Variants in SPOCK3 observed in about 807,000 individuals in gnomAD.
SPOCK3 encodes the protein testican-3.
Under a neutral mutation model 56.6 loss-of-function variants are expected in SPOCK3, and 30 were observed. The ratio of observed to expected loss-of-function variants is 0.53; its 90% CI spans 0.40 to 0.72. The LOEUF is 0.72. Among genes scored for constraint, SPOCK3 ranks in the 30% least tolerant of loss-of-function variants. SPOCK3 has a pLI of 0.00. For missense variants in SPOCK3, 527 were observed against 530.0 expected, an observed-to-expected ratio of 0.99 and a Z score of 0.06; for synonymous variants, 196 against 183.3, an observed-to-expected ratio of 1.07 and a Z score of -0.56.
intron 4 of SPOCK3, chr4:166,918,497 T>G (rs1448997742): frequency 2.6e-5 from 4 of 152,136 alleles, no homozygotes; most frequent in Non-Finnish European, 5.9e-5. Context: ...TAGACTAAAA[T>G]ACTTTATAAA....
chr4:166,937,391 G>T (rs770102323), intron 4 of SPOCK3, among the ~76,000 whole-genome samples: 1 of 149,206 alleles, frequency 6.7e-6, no homozygotes, highest in East Asian at 1.9e-4. Context: ...ACACACACAC[G>T]TATATATTAT....
intron 2 of SPOCK3, among the ~76,000 whole-genome samples, chr4:167,173,784 G>C (rs941682346): frequency 6.6e-6 from 1 of 152,118 alleles, no homozygotes; most frequent in African/African-American, 2.4e-5. Flanking sequence ...GGAGGAGGAT[G>C]ACTAGCAAGA....
chr4:167,168,279 G>A (rs1730182575), intron 2 of SPOCK3, among the ~76,000 whole-genome samples: 1 of 152,134 alleles, frequency 6.6e-6, no homozygotes, highest in African/African-American at 2.4e-5. Context: ...TGGGTAACAG[G>A]CAGAAGTTGG....
At chr4:167,166,750 T>G (rs2150455090) in intron 2 of SPOCK3, among the ~76,000 whole-genome samples, 1 of 152,222 alleles carries the variant, frequency 6.6e-6, no homozygotes, top group East Asian at 1.9e-4. Flanking sequence ...TTTTGAAAAC[T>G]GTTAAAAATG....
intron 2 of SPOCK3, among the ~76,000 whole-genome samples, chr4:167,160,655 A>G (rs1303545785): frequency 6.6e-6 from 1 of 152,186 alleles, no homozygotes; most frequent in Admixed American, 6.5e-5. Context: ...ACAAGGCTAC[A>G]GTAACCAAAA....
chr4:166,845,964 C>T (rs929635176), intron 6 of SPOCK3, among the ~76,000 whole-genome samples: 4 of 152,118 alleles, frequency 2.6e-5, no homozygotes, highest in African/African-American at 9.7e-5. Context: ...CGAACTTGCA[C>T]AGCAAGTTTG....
chr4:167,007,717 T>A (rs1394572973), intron 3 of SPOCK3, among the ~76,000 whole-genome samples: 1 of 152,206 alleles, frequency 6.6e-6, no homozygotes, highest in Non-Finnish European at 1.5e-5. Flanking sequence ...CTAGGCTTTA[T>A]AACTTTAAAA....
chr4:167,224,157 T>A (rs1267249305), intron 2 of SPOCK3, among the ~76,000 whole-genome samples: 2 of 152,146 alleles, frequency 1.3e-5, no homozygotes, highest in East Asian at 3.8e-4. Context: ...ACATCATAGT[T>A]TTCTAACACA....
chr4:167,141,511 T>C (rs1293424947), intron 2 of SPOCK3, among the ~76,000 whole-genome samples: 1 of 152,046 alleles, frequency 6.6e-6, no homozygotes, highest in African/African-American at 2.4e-5. Context: ...AATGCAGTCA[T>C]AAATGGGAAT....
chr4:167,012,112 G>A (rs1403803302), intron 3 of SPOCK3, among the ~76,000 whole-genome samples: 1 of 151,850 alleles, frequency 6.6e-6, no homozygotes, highest in Non-Finnish European at 1.5e-5. Flanking sequence ...TTCCAGTAAT[G>A]TTTTGGGACT....
intron 3 of SPOCK3, among the ~76,000 whole-genome samples, chr4:167,060,895 T>C (rs13137632): frequency 0.58 from 88,061 of 151,738 alleles, 26,704 homozygotes; most frequent in East Asian, 0.79. Flanking sequence ...CTTGCAGGGT[T>C]ATAACAACTA....
chr4:166,859,098 C>T (rs1057310540), intron 6 of SPOCK3, among the ~76,000 whole-genome samples: 1 of 152,124 alleles, frequency 6.6e-6, no homozygotes, highest in African/African-American at 2.4e-5. Flanking sequence ...CAATTGTCTA[C>T]AGTATTCAGT....
At chr4:166,984,434 C>T (rs1156321449) in intron 4 of SPOCK3, among the ~76,000 whole-genome samples, 3 of 152,006 alleles carry the variant, frequency 2.0e-5, no homozygotes, top group African/African-American at 7.2e-5. Flanking sequence ...ATTTAATCAG[C>T]TTTTGAATTA....
chr4:166,753,168 C>T (rs1212578856), intron 8 of SPOCK3, among the ~76,000 whole-genome samples: 1 of 151,566 alleles, frequency 6.6e-6, no homozygotes, highest in Non-Finnish European at 1.5e-5. Context: ...GTATAGACAC[C>T]AAAAAATATG....
chr4:166,894,699 C>T (rs6553313), intron 5 of SPOCK3, among the ~76,000 whole-genome samples: 110,237 of 151,986 alleles, frequency 0.73, 40,177 homozygotes, highest in South Asian at 0.79. Context: ...ACCAGATTAA[C>T]TGACCAAGGA....
intron 4 of SPOCK3, among the ~76,000 whole-genome samples, chr4:166,990,341 GTAAC>G (rs1747637392): frequency 6.6e-6 from 1 of 151,854 alleles, no homozygotes; most frequent in Non-Finnish European, 1.5e-5. Flanking sequence ...GTATACATAT[GTAAC>G]TAACCTGCAT....
chr4:166,891,750 C>G (rs1734810062), intron 5 of SPOCK3, among the ~76,000 whole-genome samples: 1 of 151,932 alleles, frequency 6.6e-6, no homozygotes, highest in Non-Finnish European at 1.5e-5. Context: ...CTTCTGTTAA[C>G]TTAATATTTC....
At chr4:167,150,752 A>C (rs1461382145) in intron 2 of SPOCK3, among the ~76,000 whole-genome samples, 2 of 152,190 alleles carry the variant, frequency 1.3e-5, no homozygotes, top group Non-Finnish European at 2.9e-5. Context: ...TGATTGCGTC[A>C]GCGTGAATAT....
chr4:167,014,558 G>A (rs898373985), intron 3 of SPOCK3, among the ~76,000 whole-genome samples: 2 of 152,026 alleles, frequency 1.3e-5, no homozygotes, highest in Non-Finnish European at 2.9e-5. Flanking sequence ...ACAAAGTTAA[G>A]GCAGAAGGAT....
Sources: allele counts gnomAD v4.1 joint callset (sites outside exome capture counted in the v4.1 genomes callset), GRCh38; gene constraint gnomAD v4.1.1; transcripts MANE v1.5; gene names NCBI Gene and HGNC (gene_info 2026-07-23, HGNC 2026-07-21).